Variants in PUM1 observed in about 807,000 individuals in gnomAD.
The protein encoded by PUM1 is pumilio homolog 1.
A neutral mutation model predicts 131.8 loss-of-function variants in PUM1; 13 were observed. That is an observed-to-expected ratio of 0.10 (90% CI 0.06 to 0.16). The LOEUF (loss-of-function observed/expected upper bound fraction) is 0.16, where lower values mean the gene tolerates loss of function less well. Ranked by LOEUF, PUM1 falls within the 10% of genes least tolerant of loss-of-function variation. The pLI is 1.00. For missense variants in PUM1, 961 were observed against 1,512.4 expected, an observed-to-expected ratio of 0.64 and a Z score of 6.05; for synonymous variants, 509 against 556.5, an observed-to-expected ratio of 0.91 and a Z score of 1.20.
chr1:30,947,307 A>C (rs1639717927), intron 17 of PUM1, among the ~76,000 whole-genome samples: 1 of 152,248 alleles, frequency 6.6e-6, no homozygotes, highest in South Asian at 2.1e-4. Flanking sequence ...ACATATTTCA[A>C]ACTATGGATA....
intron 3 of PUM1, among the ~76,000 whole-genome samples, chr1:31,020,404 A>G (rs1183441239): frequency 6.6e-6 from 1 of 152,220 alleles, no homozygotes; most frequent in East Asian, 1.9e-4. Context: ...TTTTGACTAC[A>G]TGGTTTGATC....
chr1:31,022,839 G>A (rs765892563), intron 3 of PUM1, among the ~76,000 whole-genome samples: 11 of 152,088 alleles, frequency 7.2e-5, no homozygotes, highest in African/African-American at 2.7e-4. Flanking sequence ...AAAGTTAAGG[G>A]AACTAGGGTG....
At chr1:31,060,536 A>G (rs976938463) in intron 1 of PUM1, among the ~76,000 whole-genome samples, 2 of 152,102 alleles carry the variant, frequency 1.3e-5, no homozygotes, top group East Asian at 3.9e-4. Context: ...AAAAGCCTAA[A>G]CCCATATATA....
intron 6 of PUM1, among the ~76,000 whole-genome samples, chr1:30,993,793 G>A (rs1041814828): frequency 2.6e-5 from 4 of 152,106 alleles, no homozygotes; most frequent in East Asian, 1.9e-4. Flanking sequence ...AATTCAGGCC[G>A]GGCATGGTGG....
intron 18 of PUM1, among the ~76,000 whole-genome samples, chr1:30,945,058 C>G (rs1303201568): frequency 6.6e-6 from 1 of 151,918 alleles, no homozygotes; most frequent in Non-Finnish European, 1.5e-5. Context: ...CATGGTGAGG[C>G]CACTGTCTCT....
At chr1:31,057,947 C>T (rs1363984200) in intron 2 of PUM1, among the ~76,000 whole-genome samples, 1 of 152,060 alleles carries the variant, frequency 6.6e-6, no homozygotes, top group Non-Finnish European at 1.5e-5. Flanking sequence ...TCAAAGAATA[C>T]CCTGATCAAA....
Position 30,933,071 on chromosome 1 carries a change from C to A in PUM1, c.*140G>T. ...GCTTTTCCACTCGTGGATTTGATTC[C>A]TTTTTTGGAGGAGGGAGTAATCCTG... On this transcript the variant is annotated 3_prime_UTR_variant, in exon 22 of 22. Transcript: ENST00000426105. 2.8e-6 allele frequency: 3 copies of A among 1,081,338 alleles called. No individual in the cohort carries two copies. Among genetic ancestry groups the A allele is most frequent in the South Asian group, 1.9e-5 (1 of 52,904 alleles). The allele number at this position is 1,081,338 out of a possible 1,614,324, so 67.0% of individuals were successfully genotyped here.
intron 12 of PUM1, 88 bp downstream of exon 12, chr1:30,967,079 A>G: frequency 3.9e-6 from 6 of 1,533,530 alleles, no homozygotes; most frequent in South Asian, 1.2e-5. Flanking sequence ...GAGAATTGCC[A>G]AAAGTTTATT....
intron 2 of PUM1, chr1:31,050,847 G>T: frequency 5.1e-6 from 1 of 196,274 alleles, no homozygotes; most frequent in Non-Finnish European, 1.1e-5. Flanking sequence ...CTTTCCTTTT[G>T]TCTCACTGCA....
intron 9 of PUM1, among the ~76,000 whole-genome samples, chr1:30,978,343 T>C (rs1368482723): frequency 4.6e-5 from 7 of 152,190 alleles, no homozygotes; most frequent in African/African-American, 1.4e-4. Context: ...AAGAAAAGCA[T>C]TCAGGACAAT....
intron 3 of PUM1, among the ~76,000 whole-genome samples, chr1:31,010,651 C>T (rs1358969090): frequency 1.3e-5 from 2 of 152,216 alleles, no homozygotes; most frequent in Non-Finnish European, 2.9e-5. Flanking sequence ...CTCCGTCCAA[C>T]AACCAGCAAA....
rs1169453416 is a variant in PUM1 at position 30,964,719 on chromosome 1, G to A, written c.2278C>T (p.Pro760Ser). The A allele has an allele frequency of 1.3e-6, 2 of 1,589,870 alleles. No homozygotes were observed. Among genetic ancestry groups the A allele is most frequent in the African/African-American group, 1.3e-5 (1 of 74,388 alleles). Residue 760 changes from proline (P) to serine (S), a missense_variant, in exon 14 of 22, where the codon CCT becomes TCT. By Grantham distance (74) the Pro-to-Ser change is moderately conservative (BLOSUM62 -1). Transcript: ENST00000426105. ...SQGPGHSQTP[P>S]PSLSSHGSSS... ...GATCCATGTGAAGAGAGGGAAGGAGGTGGTGTCTGTGAATGTCCTGGTCCC... is the reference window on the plus strand; with the variant it reads ...GATCCATGTGAAGAGAGGGAAGGAGATGGTGTCTGTGAATGTCCTGGTCCC...
chr1:31,060,444 G>C (rs1256663701), intron 1 of PUM1, among the ~76,000 whole-genome samples: 2 of 151,282 alleles, frequency 1.3e-5, no homozygotes, highest in African/African-American at 2.4e-5. Flanking sequence ...CTGGGTGACA[G>C]AGCGAGACTC....
At chr1:31,046,486 T>G (rs974701552) in intron 2 of PUM1, among the ~76,000 whole-genome samples, 4 of 95,088 alleles carry the variant, frequency 4.2e-5, no homozygotes, top group South Asian at 4.1e-4. Context: ...GCGGGGTTTT[T>G]GGGTTTTTTT....
chr1:30,969,412 A>T (rs1230163137), intron 10 of PUM1, among the ~76,000 whole-genome samples: 1 of 151,992 alleles, frequency 6.6e-6, no homozygotes, highest in Non-Finnish European at 1.5e-5. Context: ...CCACACATTT[A>T]AAGTCAACTG....
At chr1:30,985,250 C>T (rs1430490654) in intron 7 of PUM1, among the ~76,000 whole-genome samples, 2 of 151,976 alleles carry the variant, frequency 1.3e-5, no homozygotes, top group African/African-American at 4.8e-5. Flanking sequence ...GGGAGAGCAC[C>T]CCCAACAGAC....
chr1:30,970,605 G>T (rs1640837721), intron 10 of PUM1, among the ~76,000 whole-genome samples: 1 of 152,132 alleles, frequency 6.6e-6, no homozygotes, highest in African/African-American at 2.4e-5. Flanking sequence ...GAGTCGGGGG[G>T]CTGTACAGGT....
chr1:31,042,920 G>C (rs182134194), intron 2 of PUM1, among the ~76,000 whole-genome samples: 16 of 152,118 alleles, frequency 1.1e-4, no homozygotes, highest in Middle Eastern at 3.4e-3. Context: ...GTAGTGACAG[G>C]GTTTCTCCAT....
rs760093108 is a variant in PUM1, at chr1:30,966,140, C to G, written c.1928G>C (p.Ser643Thr). ...CAGAGAGTTGTTGCCGTAGAAAGAA[C>G]TGGATGCCAGGTTGTTATTGGGCTG... is the stretch of plus-strand genomic sequence containing the variant. ...QQQPNNNLAS[S>T]SFYGNNSLNS... The change falls in exon 13 of 22, where the codon AGT (serine) becomes ACT (threonine). Residue 643 changes from serine (S) to threonine (T), a missense_variant. Coordinates refer to ENST00000426105, the MANE Select transcript of PUM1 (RefSeq NM_001020658.2). 1.4e-5 allele frequency: 22 copies of G among 1,613,994 alleles called. No individual in the cohort carries two copies. Among genetic ancestry groups the G allele is most frequent in the Non-Finnish European group, 1.9e-5 (22 of 1,180,022 alleles).
Sources: allele counts gnomAD v4.1 joint callset (sites outside exome capture counted in the v4.1 genomes callset), GRCh38; gene constraint gnomAD v4.1.1; transcripts MANE v1.5; gene names NCBI Gene and HGNC (gene_info 2026-07-23, HGNC 2026-07-21).